The following ADAMTSL1 variants were observed in gnomAD, a reference collection of about 807,000 sequenced individuals.
The protein encoded by ADAMTSL1 is ADAMTS-like protein 1.
Under a neutral mutation model 201.8 loss-of-function variants are expected in ADAMTSL1, and 126 were observed. The observed-to-expected ratio is 0.62, with a 90% CI of 0.54 to 0.72. The LOEUF (loss-of-function observed/expected upper bound fraction) is 0.72. ADAMTSL1 is among the 30% of genes least tolerant of loss of function. The probability of loss-of-function intolerance (pLI) is 0.00; values close to 1 mark genes in which losing one functional copy is unlikely to be tolerated. For missense variants in ADAMTSL1, 2,679 were observed against 2,277.8 expected (o/e 1.18, Z -3.59); for synonymous variants, 1,121 against 903.4 (o/e 1.24, Z -4.32).
At chr9:18,224,655 T>G (rs1830380431) in intron 2 of ADAMTSL1, among the ~76,000 whole-genome samples, 1 of 152,178 alleles carries the variant, frequency 6.6e-6, no homozygotes, top group South Asian at 2.1e-4. Flanking sequence ...GAACATCCTA[T>G]GGATCCCCTA....
At chr9:18,284,261 AC>A (rs1832911914) in intron 2 of ADAMTSL1, among the ~76,000 whole-genome samples, 1 of 152,128 alleles carries the variant, frequency 6.6e-6, no homozygotes. Context: ...AATTAAAAAA[AC>A]ATTTTTTAGA....
intron 15 of ADAMTSL1, among the ~76,000 whole-genome samples, chr9:18,728,486 T>C (rs1222777740): frequency 2.6e-5 from 4 of 152,068 alleles, no homozygotes; most frequent in Non-Finnish European, 5.9e-5. Context: ...CACACACACA[T>C]AACAAGCATC....
chr9:17,946,490 T>C, intron 1 of ADAMTSL1, among the ~76,000 whole-genome samples: 1 of 152,138 alleles, frequency 6.6e-6, no homozygotes, highest in East Asian at 1.9e-4. Context: ...CTAAACATTT[T>C]TGTAAGAAAG....
intron 14 of ADAMTSL1, among the ~76,000 whole-genome samples, chr9:18,719,580 T>C (rs1363081554): frequency 6.6e-6 from 1 of 152,182 alleles, no homozygotes; most frequent in Non-Finnish European, 1.5e-5. Context: ...GCCAGGCTGG[T>C]CTCGAACTCC....
chr9:18,066,780 A>G (rs1822720747), intron 1 of ADAMTSL1, among the ~76,000 whole-genome samples: 1 of 152,224 alleles, frequency 6.6e-6, no homozygotes, highest in Admixed American at 6.5e-5. Flanking sequence ...AATGTGGCAC[A>G]TATACACCAT....
chr9:18,163,140 T>A (rs1024180692), intron 1 of ADAMTSL1, among the ~76,000 whole-genome samples: 3 of 151,958 alleles, frequency 2.0e-5, no homozygotes, highest in Non-Finnish European at 4.4e-5. Context: ...AATGATAAAA[T>A]GAAAAGATGA....
In ADAMTSL1 at chr9:18,777,240, A is replaced by G; in HGVS notation, c.3011A>G (p.Asn1004Ser). The change falls in exon 19 of 29, where the codon AAC (asparagine) becomes AGC (serine). Residue 1004 changes from asparagine (N) to serine (S), a missense_variant. Transcript: ENST00000380548. Reference sequence around the variant, plus strand: ...AAACACCAGAACGGGATCTTCTCCAACGGCAGCAAGGCGGAGAAGCGGGGC... The same window carrying G: ...AAACACCAGAACGGGATCTTCTCCAGCGGCAGCAAGGCGGAGAAGCGGGGC... Reference protein sequence around the residue: ...THKHQNGIFSNGSKAEKRGLA... With the variant: ...THKHQNGIFSSGSKAEKRGLA... 9.3e-6 allele frequency: 15 copies of G among 1,612,602 alleles called. No homozygotes were observed. Among genetic ancestry groups the G allele is most frequent in the Non-Finnish European group, 1.3e-5 (15 of 1,179,702 alleles).
intron 3 of ADAMTSL1, among the ~76,000 whole-genome samples, chr9:18,562,888 A>G (rs902488780): frequency 1.1e-4 from 16 of 152,146 alleles, no homozygotes; most frequent in African/African-American, 3.9e-4. Context: ...GTTCTTCTCT[A>G]AACTGGTTAT....
chr9:18,057,747 CTT>C (rs1226094407), intron 1 of ADAMTSL1, among the ~76,000 whole-genome samples: 2 of 152,224 alleles, frequency 1.3e-5, no homozygotes, highest in African/African-American at 4.8e-5. Context: ...GCCTCAGACT[CTT>C]TGCACATGCT....
chr9:18,359,098 A>G (rs1441963239), intron 2 of ADAMTSL1, among the ~76,000 whole-genome samples: 1 of 152,238 alleles, frequency 6.6e-6, no homozygotes, highest in Non-Finnish European at 1.5e-5. Flanking sequence ...AAGTTAACTC[A>G]ATAATAATTA....
chr9:18,356,578 T>G (rs1003653604), intron 2 of ADAMTSL1, among the ~76,000 whole-genome samples: 2 of 142,168 alleles, frequency 1.4e-5, no homozygotes, highest in Non-Finnish European at 3.1e-5. Flanking sequence ...CTAAAAAATT[T>G]TATGCAGCTA....
intron 23 of ADAMTSL1, among the ~76,000 whole-genome samples, chr9:18,837,663 G>A (rs1385081761): frequency 3.3e-5 from 5 of 152,158 alleles, no homozygotes; most frequent in South Asian, 2.1e-4. Context: ...CAAAAACCAC[G>A]TGTTTTTATA....
chr9:18,425,667 A>G (rs1266454845), intron 2 of ADAMTSL1, among the ~76,000 whole-genome samples: 1 of 151,900 alleles, frequency 6.6e-6, no homozygotes, highest in Non-Finnish European at 1.5e-5. Context: ...CCATTATGGC[A>G]TCATAGCGAG....
In ADAMTSL1 at chr9:18,386,061, T is replaced by C. The variant is rs540319178; in HGVS notation, c.208-118768T>C. 3.3e-5 allele frequency among the ~76,000 whole-genome samples: 5 copies of C among 152,292 alleles called. 1 individual carries two copies. The South Asian group carries it at 6.2e-4, about 19-fold the overall frequency. ...ATCCGAAAACCATTAATTCATCATA[T>C]CTGTGCTTAACTGTTTTTTTAAATC... On this transcript the variant is annotated intron_variant, in intron 2 of 29. Coordinates refer to the ADAMTSL1 transcript ENST00000680146.
rs1392700655 is a variant in ADAMTSL1, at chr9:18,675,844, T to C, written c.1086-13T>C. On this transcript the variant is annotated splice_polypyrimidine_tract_variant and intron_variant, in intron 9 of 28. Transcript: ENST00000380548. The stretch of plus-strand genomic sequence containing the variant: ...CCTTCTACTCAGAGGGTTGGCATTA[T>C]TGTTCCTAACAGTGACGGATACAAG... 6.2e-7 allele frequency: 1 copy of C among 1,612,746 alleles called. No individual in the cohort carries two copies. The highest frequency in any genetic ancestry group is 8.5e-7 in the Non-Finnish European group (1 of 1,178,918).
At chr9:18,400,115 T>C (rs1435550942) in intron 2 of ADAMTSL1, among the ~76,000 whole-genome samples, 1 of 111,234 alleles carries the variant, frequency 9.0e-6, no homozygotes, top group Non-Finnish European at 2.0e-5. Context: ...AATCTAACCC[T>C]AGCAACTCCC....
chr9:18,571,471 G>A (rs544612803), intron 3 of ADAMTSL1, among the ~76,000 whole-genome samples: 1 of 152,266 alleles, frequency 6.6e-6, no homozygotes, highest in Admixed American at 6.5e-5. Context: ...TTCTGTACTT[G>A]TACTGAGTAA....
chr9:18,287,030 C>G (rs143047678), intron 2 of ADAMTSL1, among the ~76,000 whole-genome samples: 1 of 152,222 alleles, frequency 6.6e-6, no homozygotes, highest in Non-Finnish European at 1.5e-5. Flanking sequence ...ATTCTCAGTG[C>G]CCTACACTAA....
intron 2 of ADAMTSL1, among the ~76,000 whole-genome samples, chr9:18,369,694 G>C (rs1250703356): frequency 6.6e-6 from 1 of 152,066 alleles, no homozygotes; most frequent in East Asian, 1.9e-4. Flanking sequence ...AAATACCCAT[G>C]CTTGTATATT....
Sources: allele counts gnomAD v4.1 joint callset (sites outside exome capture counted in the v4.1 genomes callset), GRCh38; gene constraint gnomAD v4.1.1; transcripts MANE v1.5; gene names NCBI Gene and HGNC (gene_info 2026-07-23, HGNC 2026-07-21).